CFAP74: variants seen among roughly 807,000 people sequenced by gnomAD.
CFAP74 encodes cilia- and flagella-associated protein 74.
In CFAP74, 124 loss-of-function variants were observed where a neutral mutation model predicts 188.9. The ratio of observed to expected loss-of-function variants is 0.66; its 90% CI spans 0.57 to 0.76. CFAP74 has a LOEUF of 0.76. Ranked by LOEUF, CFAP74 falls within the 30% of genes least tolerant of loss-of-function variation. CFAP74 has a pLI of 0.00. For synonymous variants in CFAP74, 956 were observed against 916.7 expected (o/e 1.04, Z -0.77); for missense variants, 2,198 against 2,165.2 (o/e 1.02, Z -0.30).
chr1:1,953,312 T>G (rs975112211), intron 18 of CFAP74: 5 of 143,992 alleles, frequency 3.5e-5, no homozygotes, highest in Non-Finnish European at 3.0e-5. Flanking sequence ...TTTTTTTTTT[T>G]GAGACAGTAT....
At position 1,931,998 on chromosome 1, in the gene CFAP74, A is replaced by G. The variant is rs189476973; in HGVS notation, c.3012-1662T>C. 1.1e-4 allele frequency among the ~76,000 whole-genome samples: 16 copies of G among 140,708 alleles called. No homozygotes were observed. The East Asian group carries it at 1.6e-3, about 14-fold the overall frequency. The allele number at this position is 140,708 out of a possible 152,430, so 92.3% of individuals were successfully genotyped here. ...GGAGAATTGCTTGAACCTAGGAGGTAGAGGTTGCGGTGAGCTGAGATCGCC... is the reference window on the plus strand; with the variant it reads ...GGAGAATTGCTTGAACCTAGGAGGTGGAGGTTGCGGTGAGCTGAGATCGCC... On this transcript the variant is annotated intron_variant, in intron 25 of 38. Coordinates refer to ENST00000682832, the MANE Select transcript of CFAP74 (RefSeq NM_001304360.2).
rs1332933907 is a variant in CFAP74 at position 1,942,169 on chromosome 1, C to T, written c.2487-13G>A. On this transcript the variant is annotated splice_polypyrimidine_tract_variant and intron_variant, in intron 21 of 38. Transcript: ENST00000682832. The surrounding 1 kb of genome is among the most constrained non-coding windows in gnomAD (Gnocchi z 4.3). ...GGCAGCTTTCGACCTGTGGGCGTGT[C>T]GCAGGGCACTGGGTCAGGTGCCACA... The T allele has an allele frequency of 2.7e-6, 4 of 1,496,358 alleles. No homozygotes were observed. Among genetic ancestry groups the T allele is most frequent in the Non-Finnish European group, 3.5e-6 (4 of 1,127,814 alleles). The allele number at this position is 1,496,358 out of a possible 1,614,324, so 92.7% of individuals were successfully genotyped here. A position where few individuals can be genotyped will look rare whatever the true frequency, so the allele number is the denominator to read the frequency against.
Position 1,940,355 on chromosome 1 carries a change from T to G in CFAP74, c.2664A>C (p.Arg888=). The G allele has an allele frequency of 6.5e-7, 1 of 1,535,650 alleles. No homozygotes were observed. Among genetic ancestry groups the G allele is most frequent in the East Asian group, 2.4e-5 (1 of 40,878 alleles). ...ATATGGTCATCGGGGCCTCCAGGAC[T>G]CGGGTCTCCTTGTCAAAATACCTCC... The part of the protein sequence containing the change: ...DAGRYFDKET[R]VLEAPMTIWV... Residue 888 remains arginine (R), a synonymous_variant, in exon 23 of 39, where the codon CGA becomes CGC. Transcript: ENST00000682832.
At chr1:1,966,872 T>C (rs1655510710) in intron 11 of CFAP74, among the ~76,000 whole-genome samples, 1 of 149,892 alleles carries the variant, frequency 6.7e-6, no homozygotes, top group Admixed American at 6.6e-5. Context: ...AGTCTTGCAC[T>C]GTCACCTGGG....
chr1:1,929,953 G>C, intron 26 of CFAP74, 107 bp downstream of exon 26: 1 of 1,261,546 alleles, frequency 7.9e-7, no homozygotes, highest in South Asian at 1.6e-5. Context: ...CCTGTTCTCC[G>C]GGTTGAAACC....
chr1:1,970,408 T>C (rs935077222), intron 10 of CFAP74, among the ~76,000 whole-genome samples: 5 of 151,940 alleles, frequency 3.3e-5, no homozygotes, highest in Non-Finnish European at 7.4e-5. Context: ...GGTTTCAGCG[T>C]CTGGGAGGGG....
intron 25 of CFAP74, among the ~76,000 whole-genome samples, chr1:1,935,637 C>T (rs1652842009): frequency 1.3e-5 from 2 of 151,886 alleles, no homozygotes; most frequent in East Asian, 1.9e-4. Flanking sequence ...CTGACAGTGA[C>T]GGGCTCTGGG....
chr1:1,968,182 G>T lies in CFAP74; in HGVS notation c.1245+453C>A, dbSNP rs1242167595. Among the ~76,000 whole-genome samples the T allele has an allele frequency of 6.6e-6, 1 of 152,196 alleles. No individual in the cohort carries two copies. The highest frequency in any genetic ancestry group is 1.5e-5 in the Non-Finnish European group (1 of 68,034). ...GTGAACGAATAAAGGATGAGTGAGTGAATGAATGAGTGATAGGAAAGCTGT... is the reference window on the plus strand; with the variant it reads ...GTGAACGAATAAAGGATGAGTGAGTTAATGAATGAGTGATAGGAAAGCTGT... On this transcript the variant is annotated intron_variant, in intron 11 of 38. Coordinates refer to ENST00000682832, the MANE Select transcript of CFAP74 (RefSeq NM_001304360.2). The surrounding 1 kb of genome is among the most constrained non-coding windows in gnomAD (Gnocchi z 4.3).
chr1:1,924,066 T>G, intron 34 of CFAP74, 137 bp from the exon 35 acceptor site: 1 of 639,732 alleles, frequency 1.6e-6, no homozygotes. Context: ...CCCAATGGCC[T>G]TGCGCCCCCC....
chr1:1,936,268 G>A (rs535767608), intron 25 of CFAP74, among the ~76,000 whole-genome samples: 5 of 148,522 alleles, frequency 3.4e-5, no homozygotes, highest in Non-Finnish European at 7.4e-5. Context: ...ATCTGCGGCC[G>A]GGTGCGGTGG....
intron 6 of CFAP74, among the ~76,000 whole-genome samples, 161 bp from the exon 7 acceptor site, chr1:1,974,359 A>G (rs1656299351): frequency 6.6e-6 from 1 of 152,126 alleles, no homozygotes; most frequent in Non-Finnish European, 1.5e-5. Context: ...TCACCCAGAC[A>G]CTGAGGCCCG....
At chr1:1,999,262 C>T (rs1329828751) in intron 1 of CFAP74, among the ~76,000 whole-genome samples, 2 of 152,180 alleles carry the variant, frequency 1.3e-5, no homozygotes, top group African/African-American at 4.8e-5. Context: ...CCCCCACGTA[C>T]TAGCGCTATG....
chr1:1,958,730 C>T (rs947422276), intron 16 of CFAP74, among the ~76,000 whole-genome samples: 15 of 152,188 alleles, frequency 9.9e-5, no homozygotes, highest in African/African-American at 3.1e-4. Context: ...CGGGTTGCAG[C>T]GCGTGGAGCC....
At chr1:1,938,540 A>G (rs1043640127) in intron 25 of CFAP74, among the ~76,000 whole-genome samples, 3 of 151,836 alleles carry the variant, frequency 2.0e-5, no homozygotes, top group Non-Finnish European at 4.4e-5. Context: ...CTACAGTGAT[A>G]CGTCTGCGCA....
intron 23 of CFAP74, among the ~76,000 whole-genome samples, 165 bp downstream of exon 23, chr1:1,940,151 C>T (rs1653265629): frequency 6.6e-6 from 1 of 152,254 alleles, no homozygotes; most frequent in Non-Finnish European, 1.5e-5. Flanking sequence ...GGCCCATGAG[C>T]ACCCTCCCAG....
At chr1:1,987,296 G>A (rs1470342867) in intron 4 of CFAP74, among the ~76,000 whole-genome samples, 3 of 152,234 alleles carry the variant, frequency 2.0e-5, no homozygotes, top group Admixed American at 6.5e-5. Flanking sequence ...GCAGGAGCGG[G>A]AGGGAACCTG....
chr1:1,951,918 C>T (rs910201960), intron 18 of CFAP74, among the ~76,000 whole-genome samples: 7 of 152,090 alleles, frequency 4.6e-5, no homozygotes, highest in Admixed American at 1.3e-4. Flanking sequence ...GCAGAGAATA[C>T]CATTCAGGCT....
At chr1:1,944,305 G>A (rs977390975) in intron 21 of CFAP74, 26 bp downstream of exon 21, 27 of 1,530,800 alleles carry the variant, frequency 1.8e-5, no homozygotes, top group Non-Finnish European at 2.0e-5. Context: ...GGGTCACCCC[G>A]TGTGCATGGA....
chr1:1,941,917 C>T, intron 22 of CFAP74, 111 bp downstream of exon 22: 1 of 1,170,656 alleles, frequency 8.5e-7, no homozygotes, highest in East Asian at 3.0e-5. Flanking sequence ...TCCCTGGAGG[C>T]TGATGATCCC....
Sources: gnomAD v4.1 joint callset for allele counts (sites outside exome capture counted in the v4.1 genomes callset) on GRCh38, gnomAD v4.1.1 for gene constraint, Gnocchi (gnomAD v3.1) non-coding constraint, MANE v1.5 for transcripts, NCBI Gene and HGNC (gene_info 2026-07-23, HGNC 2026-07-21) for gene names.